The following ARHGAP10 variants were observed in gnomAD, a reference collection of about 807,000 sequenced individuals.
The protein encoded by ARHGAP10 is rho GTPase-activating protein 10.
Under a neutral mutation model 108.6 loss-of-function variants are expected in ARHGAP10, and 87 were observed. The observed-to-expected ratio is 0.80, with a 90% CI of 0.67 to 0.96. ARHGAP10 has a LOEUF of 0.96. ARHGAP10 is among the 40% of genes least tolerant of loss of function. The pLI, the probability that ARHGAP10 is intolerant of heterozygous loss-of-function variation, is 0.00. For synonymous variants in ARHGAP10, 347 were observed against 341.1 expected, an observed-to-expected ratio of 1.02 and a Z score of -0.19; for missense variants, 939 against 954.5, an observed-to-expected ratio of 0.98 and a Z score of 0.21.
At chr4:147,983,732 C>G (rs1047886313) in intron 18 of ARHGAP10, among the ~76,000 whole-genome samples, 1 of 148,806 alleles carries the variant, frequency 6.7e-6, no homozygotes, top group African/African-American at 2.5e-5. Context: ...TCTTGGATTT[C>G]AATTTTCTCT....
chr4:148,019,147 A>T (rs536714214), intron 18 of ARHGAP10, among the ~76,000 whole-genome samples: 1 of 152,320 alleles, frequency 6.6e-6, no homozygotes, highest in South Asian at 2.1e-4. Context: ...CTGTTACTTG[A>T]TGTCCTTTTC....
intron 10 of ARHGAP10, among the ~76,000 whole-genome samples, chr4:147,887,875 AT>A (rs1228125358): frequency 2.7e-5 from 4 of 147,392 alleles, no homozygotes; most frequent in African/African-American, 7.7e-5. Context: ...AAAAAAAAAA[AT>A]TTTTTTTTTC....
intron 10 of ARHGAP10, among the ~76,000 whole-genome samples, chr4:147,897,139 A>G (rs1736025175): frequency 6.6e-6 from 1 of 151,426 alleles, no homozygotes; most frequent in Non-Finnish European, 1.5e-5. Context: ...TTTTCCTTTT[A>G]TCTGATTCTT....
chr4:148,072,034 A>G lies in ARHGAP10; in HGVS notation c.2314A>G (p.Asn772Asp). 3 of 1,613,698 alleles carry G rather than the reference A, an allele frequency of 1.9e-6. No individual in the cohort carries two copies. The highest frequency in any genetic ancestry group is 2.5e-6 in the Non-Finnish European group (3 of 1,179,856). Residue 772 changes from asparagine (N) to aspartate (D), a missense_variant, in exon 23 of 23, where the codon AAC becomes GAC. Transcript: ENST00000336498. The part of the protein sequence containing the change: ...REPGWLEGTL[N>D]GKRGLIPQNY... ...ACCTGGCTGGCTAGAAGGGACTCTGAACGGCAAGAGGGGGCTGATTCCACA... is the reference window on the plus strand; with the variant it reads ...ACCTGGCTGGCTAGAAGGGACTCTGGACGGCAAGAGGGGGCTGATTCCACA...
chr4:147,949,201 T>C (rs1358490236), intron 15 of ARHGAP10, among the ~76,000 whole-genome samples: 1 of 152,242 alleles, frequency 6.6e-6, no homozygotes, highest in East Asian at 1.9e-4. Flanking sequence ...GCACTATTGT[T>C]ATTCCTGATT....
At chr4:147,874,853 A>G (rs950502497) in intron 7 of ARHGAP10, among the ~76,000 whole-genome samples, 168 bp from the exon 8 acceptor site, 3 of 152,276 alleles carry the variant, frequency 2.0e-5, no homozygotes, top group East Asian at 1.9e-4. Flanking sequence ...TTCTTTGCAC[A>G]TGAATCTCAG....
intron 14 of ARHGAP10, among the ~76,000 whole-genome samples, chr4:147,942,764 C>G (rs1344201931): frequency 6.6e-6 from 1 of 152,228 alleles, no homozygotes; most frequent in Non-Finnish European, 1.5e-5. Context: ...CTGCCTTCCT[C>G]CATCCGGTGA....
At chr4:147,806,054 T>G (rs1395194573) in intron 1 of ARHGAP10, among the ~76,000 whole-genome samples, 1 of 152,162 alleles carries the variant, frequency 6.6e-6, no homozygotes, top group Admixed American at 6.5e-5. Context: ...AAATCCATAC[T>G]TTAAGCCTTT....
intron 16 of ARHGAP10, among the ~76,000 whole-genome samples, chr4:147,960,241 T>A (rs1738942838): frequency 6.6e-6 from 1 of 152,238 alleles, no homozygotes; most frequent in Non-Finnish European, 1.5e-5. Flanking sequence ...TAGAAGTTTT[T>A]TTAATGATAT....
chr4:147,892,010 A>G (rs2126886787), intron 10 of ARHGAP10, among the ~76,000 whole-genome samples: 1 of 152,224 alleles, frequency 6.6e-6, no homozygotes, highest in East Asian at 1.9e-4. Flanking sequence ...AAGTTCTCCC[A>G]CACATCACAT....
intron 13 of ARHGAP10, among the ~76,000 whole-genome samples, chr4:147,929,568 T>G (rs918569389): frequency 6.6e-6 from 1 of 152,204 alleles, no homozygotes; most frequent in African/African-American, 2.4e-5. Flanking sequence ...GAGGACTAGT[T>G]ATAAATATAT....
chr4:147,953,794 G>C (rs1345070983), intron 15 of ARHGAP10, among the ~76,000 whole-genome samples: 2 of 151,524 alleles, frequency 1.3e-5, no homozygotes, highest in Non-Finnish European at 3.0e-5. Context: ...TGCTTACTTT[G>C]GGCTTAATTT....
At chr4:147,970,570 A>G (rs1310689355) in intron 18 of ARHGAP10, among the ~76,000 whole-genome samples, 2 of 151,756 alleles carry the variant, frequency 1.3e-5, no homozygotes, top group East Asian at 2.0e-4. Context: ...TTTCCTCCCT[A>G]AGAATGTGAA....
intron 1 of ARHGAP10, among the ~76,000 whole-genome samples, chr4:147,795,819 C>G (rs552132424): frequency 6.6e-6 from 1 of 151,616 alleles, no homozygotes; most frequent in Non-Finnish European, 1.5e-5. Flanking sequence ...CTCAGCCTCC[C>G]GAATAGCTGG....
At chr4:147,969,183 T>C (rs908758140) in intron 18 of ARHGAP10, among the ~76,000 whole-genome samples, 2 of 152,200 alleles carry the variant, frequency 1.3e-5, no homozygotes, top group Non-Finnish European at 2.9e-5. Flanking sequence ...ACTTGTTGCA[T>C]TGGCTGTTTG....
At chr4:147,919,705 A>C (rs1737156195) in intron 13 of ARHGAP10, among the ~76,000 whole-genome samples, 1 of 151,984 alleles carries the variant, frequency 6.6e-6, no homozygotes, top group African/African-American at 2.4e-5. Context: ...CAGCCTCCTG[A>C]GTAGCTGGGA....
intron 13 of ARHGAP10, among the ~76,000 whole-genome samples, chr4:147,934,322 T>C (rs940426623): frequency 6.6e-6 from 1 of 152,222 alleles, no homozygotes; most frequent in African/African-American, 2.4e-5. Flanking sequence ...ACTCTCAAAG[T>C]GACCCTCCCA....
At chr4:147,796,646 C>T (rs570126845) in intron 1 of ARHGAP10, among the ~76,000 whole-genome samples, 11 of 152,296 alleles carry the variant, frequency 7.2e-5, no homozygotes, top group African/African-American at 2.6e-4. Flanking sequence ...CTGCCTCAGC[C>T]TCCCGAGTAG....
chr4:148,057,955 G>A (rs768237825), intron 20 of ARHGAP10, among the ~76,000 whole-genome samples: 8 of 152,224 alleles, frequency 5.3e-5, no homozygotes, highest in Non-Finnish European at 1.2e-4. Flanking sequence ...AACGCCGTGG[G>A]TTATGGCGAC....
Sources: gnomAD v4.1 joint callset for allele counts (sites outside exome capture counted in the v4.1 genomes callset) on GRCh38, gnomAD v4.1.1 for gene constraint, MANE v1.5 for transcripts, NCBI Gene and HGNC (gene_info 2026-07-23, HGNC 2026-07-21) for gene names.